MATN2: variants seen among roughly 807,000 people sequenced by gnomAD.
MATN2 encodes matrilin-2.
MATN2 carries 69 observed loss-of-function variants against 103.2 expected under a neutral mutation model. That is an observed-to-expected ratio of 0.67 (90% confidence interval 0.55 to 0.82). The LOEUF (loss-of-function observed/expected upper bound fraction) is 0.82. MATN2 is among the 40% of genes least tolerant of loss of function. The pLI is 0.00. For missense variants in MATN2, 1,023 were observed against 1,211.5 expected (o/e 0.84, Z 2.31); for synonymous variants, 429 against 450.2 (o/e 0.95, Z 0.60).
At chr8:97,886,987 GTTCAAGTGATTC>G (rs1330002510) in intron 1 of MATN2, among the ~76,000 whole-genome samples, 1 of 151,824 alleles carries the variant, frequency 6.6e-6, no homozygotes, top group Non-Finnish European at 1.5e-5. Flanking sequence ...GCAGTCCTGG[GTTCAAGTGATTC>G]TTGTGCCTCG....
intron 3 of MATN2, among the ~76,000 whole-genome samples, chr8:97,934,451 A>G (rs974445745): frequency 2.6e-5 from 4 of 152,246 alleles, no homozygotes; most frequent in African/African-American, 7.2e-5. Flanking sequence ...ATGATCAGAC[A>G]AAAATGGTGA....
intron 5 of MATN2, among the ~76,000 whole-genome samples, chr8:97,962,618 T>A (rs367919105): frequency 2.6e-5 from 4 of 152,194 alleles, no homozygotes; most frequent in African/African-American, 7.2e-5. Flanking sequence ...TTGTTTTTCT[T>A]CTTAATCTGC....
At chr8:97,912,782 G>A (rs1809489770) in intron 2 of MATN2, among the ~76,000 whole-genome samples, 1 of 152,182 alleles carries the variant, frequency 6.6e-6, no homozygotes, top group Non-Finnish European at 1.5e-5. Flanking sequence ...TCAGTAGAGA[G>A]TGGGGGTGAT....
chr8:97,974,138 T>C (rs1332560088), intron 5 of MATN2, among the ~76,000 whole-genome samples: 1 of 152,110 alleles, frequency 6.6e-6, no homozygotes, highest in Non-Finnish European at 1.5e-5. Flanking sequence ...TGGTTTTTAT[T>C]TTATTTATTT....
intron 5 of MATN2, among the ~76,000 whole-genome samples, chr8:97,972,983 T>C (rs1467322157): frequency 6.6e-6 from 1 of 152,242 alleles, no homozygotes; most frequent in Non-Finnish European, 1.5e-5. Flanking sequence ...TCTTGACCTC[T>C]CTTTTTATGA....
chr8:97,974,928 G>A (rs1811783749), intron 5 of MATN2, among the ~76,000 whole-genome samples: 1 of 152,208 alleles, frequency 6.6e-6, no homozygotes, highest in Non-Finnish European at 1.5e-5. Flanking sequence ...CTTCTGATCA[G>A]TAGGTCTGGG....
At chr8:97,913,378 G>A (rs1046057876) in intron 2 of MATN2, among the ~76,000 whole-genome samples, 76 of 149,242 alleles carry the variant, frequency 5.1e-4, no homozygotes, top group African/African-American at 1.8e-3. Flanking sequence ...GCAGTGGCAC[G>A]ATCTTGGCTC....
rs141472766 is a variant in MATN2, at chr8:97,902,265, G to A, written c.142+14023G>A. Among the ~76,000 whole-genome samples the A allele has an allele frequency of 1.2e-3, 189 of 151,656 alleles. 2 individuals carry two copies. In the South Asian group the frequency reaches 0.016, roughly 13 times the overall value. ...AATCCCAGCACTTTGGGAGGCCGTG[G>A]TGGGCAGATCACTTGAGGTCAGGAG... On this transcript the variant is annotated intron_variant, in intron 2 of 18. Coordinates refer to ENST00000254898, the MANE Select transcript of MATN2 (RefSeq NM_002380.5).
At chr8:97,942,534 C>T (rs1277289800) in intron 4 of MATN2, among the ~76,000 whole-genome samples, 1 of 152,214 alleles carries the variant, frequency 6.6e-6, no homozygotes, top group African/African-American at 2.4e-5. Context: ...ATTACTCATA[C>T]ACTGAGTACC....
At chr8:97,974,273 C>T (rs1209806426) in intron 5 of MATN2, among the ~76,000 whole-genome samples, 14 of 151,594 alleles carry the variant, frequency 9.2e-5, no homozygotes, top group Non-Finnish European at 1.8e-4. Context: ...AGAGTAAATG[C>T]GACAACAGGT....
At chr8:97,964,620 A>G (rs1811425920) in intron 5 of MATN2, among the ~76,000 whole-genome samples, 2 of 151,380 alleles carry the variant, frequency 1.3e-5, no homozygotes, top group African/African-American at 4.9e-5. Flanking sequence ...TTTTTTGTAG[A>G]GACAGGGTCT....
chr8:97,967,522 A>T (rs1402234356), intron 5 of MATN2, among the ~76,000 whole-genome samples: 1 of 152,178 alleles, frequency 6.6e-6, no homozygotes, highest in Non-Finnish European at 1.5e-5. Flanking sequence ...TTCAAAAGGG[A>T]GAAATTGGCC....
Position 97,886,076 on chromosome 8 carries a change from A to G in MATN2, c.-26-1999A>G, listed in dbSNP as rs141839790. On this transcript the variant is annotated intron_variant, in intron 1 of 18. Transcript: ENST00000254898. ...TTTTAAATTGCTGCTGCACAAATTA[A>G]GGCATTAGATTCTCATAGGAACATG... Among the ~76,000 whole-genome samples, 334 of 152,270 alleles carry G rather than the reference A, an allele frequency of 2.2e-3. 2 individuals are homozygous for G. Among genetic ancestry groups the G allele is most frequent in the African/African-American group, 7.7e-3 (320 of 41,548 alleles).
chr8:97,898,120 TTGCACC>T (rs1444658780), intron 2 of MATN2, among the ~76,000 whole-genome samples: 2 of 152,118 alleles, frequency 1.3e-5, no homozygotes, highest in Non-Finnish European at 2.9e-5. Context: ...CCCATATATT[TTGCACC>T]TGCAACTCAT....
At chr8:97,869,588 C>A (rs1446221252) in intron 1 of MATN2, among the ~76,000 whole-genome samples, 1 of 152,200 alleles carries the variant, frequency 6.6e-6, no homozygotes, top group Non-Finnish European at 1.5e-5. Context: ...TGGCACGCAG[C>A]GGGGACGCCC....
intron 4 of MATN2, among the ~76,000 whole-genome samples, chr8:97,953,595 T>G (rs1372834395): frequency 6.6e-6 from 1 of 152,186 alleles, no homozygotes; most frequent in Non-Finnish European, 1.5e-5. Flanking sequence ...GAGATCAGCC[T>G]GGGCAACACG....
chr8:97,927,494 T>C (rs1023643319), intron 2 of MATN2, among the ~76,000 whole-genome samples: 4 of 151,932 alleles, frequency 2.6e-5, no homozygotes, highest in Admixed American at 2.6e-4. Flanking sequence ...CTCTAGAGAG[T>C]TGAGATGCAC....
intron 3 of MATN2, among the ~76,000 whole-genome samples, chr8:97,941,136 T>C (rs1363551459): frequency 8.4e-6 from 1 of 119,752 alleles, no homozygotes; most frequent in Admixed American, 1.2e-4. Flanking sequence ...CTCTCCAGCC[T>C]GGAAGACAGA....
intron 3 of MATN2, among the ~76,000 whole-genome samples, chr8:97,937,246 G>A (rs1810403958): frequency 6.6e-6 from 1 of 152,134 alleles, no homozygotes; most frequent in African/African-American, 2.4e-5. Flanking sequence ...TGTCTGGAGT[G>A]AGAAGGAAGG....
Sources: allele counts gnomAD v4.1 joint callset (sites outside exome capture counted in the v4.1 genomes callset), GRCh38; gene constraint gnomAD v4.1.1; transcripts MANE v1.5; gene names NCBI Gene and HGNC (gene_info 2026-07-23, HGNC 2026-07-21).